Variants in ITPR1 observed in about 807,000 individuals in gnomAD.
ITPR1 encodes inositol 1,4,5-trisphosphate-gated calcium channel ITPR1.
A neutral mutation model predicts 318.4 loss-of-function variants in ITPR1; 96 were observed. The observed-to-expected ratio is 0.30, with a 90% CI of 0.26 to 0.36. The LOEUF is 0.36. Among genes scored for constraint, ITPR1 ranks in the 10% least tolerant of loss-of-function variants. The pLI is 1.00. For missense variants in ITPR1, 2,440 were observed against 3,460.2 expected (o/e 0.71, Z 7.40); for synonymous variants, 1,312 against 1,289.9 (o/e 1.02, Z -0.37).
chr3:4,781,462 C>A (rs1445572810), intron 49 of ITPR1, among the ~76,000 whole-genome samples: 2 of 152,178 alleles, frequency 1.3e-5, no homozygotes, highest in East Asian at 3.9e-4. Flanking sequence ...AGACCCAGTC[C>A]CCGCTCTCAA....
intron 4 of ITPR1, among the ~76,000 whole-genome samples, chr3:4,624,828 A>G (rs903524912): frequency 2.6e-5 from 4 of 152,182 alleles, no homozygotes; most frequent in African/African-American, 9.7e-5. Flanking sequence ...AATGTAAACT[A>G]CTGTCTCCTG....
intron 60 of ITPR1, among the ~76,000 whole-genome samples, chr3:4,829,480 A>AATT (rs1462138142): frequency 6.6e-6 from 1 of 152,222 alleles, no homozygotes; most frequent in South Asian, 2.1e-4. Flanking sequence ...GAAGAAAAAA[A>AATT]ATTAAAAAGA....
At chr3:4,557,340 T>C (rs1298884476) in intron 4 of ITPR1, among the ~76,000 whole-genome samples, 1 of 152,068 alleles carries the variant, frequency 6.6e-6, no homozygotes, top group Non-Finnish European at 1.5e-5. Context: ...TTAACTATCA[T>C]GAGAACAGCA....
chr3:4,611,514 C>A (rs1158911152), intron 4 of ITPR1, among the ~76,000 whole-genome samples: 1 of 151,600 alleles, frequency 6.6e-6, no homozygotes, highest in African/African-American at 2.4e-5. Flanking sequence ...GAGCCGAGAT[C>A]ACGCCACTGT....
At chr3:4,603,737 C>T (rs1280138959) in intron 4 of ITPR1, among the ~76,000 whole-genome samples, 3 of 152,148 alleles carry the variant, frequency 2.0e-5, no homozygotes, top group African/African-American at 7.2e-5. Context: ...TTCACCAGTC[C>T]ACTGTTGACA....
chr3:4,792,813 T>C (rs1004331187), intron 52 of ITPR1, among the ~76,000 whole-genome samples: 3 of 152,234 alleles, frequency 2.0e-5, no homozygotes, highest in African/African-American at 7.2e-5. Flanking sequence ...TAGTAACAGG[T>C]TGTTAAGTCC....
In ITPR1 at chr3:4,760,326, C is replaced by T. The variant is rs572123099; in HGVS notation, c.5545-6204C>T. 6.6e-4 allele frequency among the ~76,000 whole-genome samples: 101 copies of T among 152,364 alleles called. 1 individual carries two copies. Among genetic ancestry groups the T allele is most frequent in the Admixed American group, 4.4e-3 (67 of 15,302 alleles). The stretch of plus-strand genomic sequence containing the variant: ...AGGTCGGCCTGGCGGGGGCAGATGC[C>T]GTTCCCTCTGGTGGAGAGGCAGCCT... On this transcript the variant is annotated intron_variant, in intron 44 of 61. Coordinates refer to ENST00000649015, the MANE Select transcript of ITPR1 (RefSeq NM_001378452.1).
chr3:4,809,365 C>T (rs2048790198), intron 55 of ITPR1, among the ~76,000 whole-genome samples: 1 of 152,164 alleles, frequency 6.6e-6, no homozygotes, highest in South Asian at 2.1e-4. Flanking sequence ...TTTTAAAAAA[C>T]ATATTGGTTA....
chr3:4,603,459 T>A (rs2091451863), intron 4 of ITPR1, among the ~76,000 whole-genome samples: 1 of 152,118 alleles, frequency 6.6e-6, no homozygotes, highest in Non-Finnish European at 1.5e-5. Flanking sequence ...AGACAGAGTC[T>A]CCTTCTGTCA....
intron 4 of ITPR1, among the ~76,000 whole-genome samples, chr3:4,608,209 C>CGAA (rs2091838861): frequency 6.6e-6 from 1 of 152,046 alleles, no homozygotes; most frequent in South Asian, 2.1e-4. Flanking sequence ...TGATTTACTC[C>CGAA]GAAGTTTGAT....
intron 44 of ITPR1, chr3:4,749,191 C>G (rs79204890): frequency 6.6e-6 from 1 of 152,154 alleles, no homozygotes; most frequent in Non-Finnish European, 1.5e-5. Context: ...AAAGAACAAA[C>G]TTTTGTTCTG....
chr3:4,610,196 A>G (rs2091986528), intron 4 of ITPR1, among the ~76,000 whole-genome samples: 1 of 152,100 alleles, frequency 6.6e-6, no homozygotes, highest in South Asian at 2.1e-4. Context: ...CTCAAATGAG[A>G]AACCTTCTTA....
rs1474841727 is a variant in ITPR1, at chr3:4,695,839, AG to A, written c.4282-1307del. On this transcript the variant is annotated intron_variant, in intron 33 of 61. Coordinates refer to ENST00000649015, the MANE Select transcript of ITPR1 (RefSeq NM_001378452.1). Reference sequence around the variant, plus strand: ...ACTGATGCTCATTTTAGTTGTTTCCAGCTTTTGGCTGTTAGGATTGTGCATA... The same window carrying A: ...ACTGATGCTCATTTTAGTTGTTTCCACTTTTGGCTGTTAGGATTGTGCATA... Among the ~76,000 whole-genome samples the A allele has an allele frequency of 2.6e-5, 4 of 152,100 alleles. No individual in the cohort carries two copies. The East Asian group carries it at 7.7e-4, about 29-fold the overall frequency.
At chr3:4,554,286 CTTTAT>C (rs973888535) in intron 4 of ITPR1, among the ~76,000 whole-genome samples, 9 of 152,176 alleles carry the variant, frequency 5.9e-5, no homozygotes, top group Non-Finnish European at 2.9e-5. Flanking sequence ...GTGTATCATT[CTTTAT>C]TTTGTCAGAA....
chr3:4,829,006 G>A (rs1355531180), intron 60 of ITPR1, among the ~76,000 whole-genome samples: 2 of 152,180 alleles, frequency 1.3e-5, no homozygotes, highest in South Asian at 2.1e-4. Context: ...GAGTCAATAC[G>A]TGGATTGCAG....
intron 2 of ITPR1, among the ~76,000 whole-genome samples, chr3:4,501,295 G>A (rs528448937): frequency 3.9e-5 from 6 of 152,280 alleles, no homozygotes; most frequent in Middle Eastern, 3.4e-3. Context: ...TGGGTTGTAA[G>A]TTCAATAGTT....
At chr3:4,673,065 C>T (rs528515965) in intron 20 of ITPR1, 71 bp from the exon 21 acceptor site, 1 of 1,527,904 alleles carries the variant, frequency 6.5e-7, no homozygotes, top group South Asian at 1.3e-5. Context: ...GTCAGGGCTG[C>T]CCAGACGACC....
In ITPR1 at chr3:4,748,641, A is replaced by T. The variant is rs569810547; in HGVS notation, c.5544+13287A>T. On this transcript the variant is annotated intron_variant, in intron 44 of 61. Transcript: ENST00000649015. ...AGGCTGGGATGCACTGCAGATAGCT[A>T]TTGCAAACCCCTCTACTATTTCCGA... Among the ~76,000 whole-genome samples, 5 of 152,250 alleles carry T rather than the reference A, an allele frequency of 3.3e-5. No homozygotes were observed. In the South Asian group the frequency reaches 1.0e-3, roughly 32 times the overall value.
intron 10 of ITPR1, among the ~76,000 whole-genome samples, chr3:4,647,907 T>A (rs939683061): frequency 2.0e-5 from 3 of 152,170 alleles, no homozygotes; most frequent in Non-Finnish European, 2.9e-5. Flanking sequence ...ATCCCAGCAC[T>A]TTGGGAGGCC....
Sources: gnomAD v4.1 joint callset for allele counts (sites outside exome capture counted in the v4.1 genomes callset) on GRCh38, gnomAD v4.1.1 for gene constraint, MANE v1.5 for transcripts, NCBI Gene and HGNC (gene_info 2026-07-23, HGNC 2026-07-21) for gene names.